Variants in SLC16A12 observed in about 807,000 individuals in gnomAD.
The protein encoded by SLC16A12 is solute carrier family 16 member 12, also known as monocarboxylate transporter 12.
SLC16A12 carries 17 observed loss-of-function variants against 42.4 expected under a neutral mutation model. The observed-to-expected ratio is 0.40, with a 90% CI of 0.27 to 0.60. The LOEUF (loss-of-function observed/expected upper bound fraction) is 0.60. SLC16A12 is among the 20% of genes least tolerant of loss of function. The probability of loss-of-function intolerance (pLI) is 0.42; values close to 1 mark genes in which losing one functional copy is unlikely to be tolerated. For missense variants in SLC16A12, 544 were observed against 623.0 expected (o/e 0.87, Z 1.35); for synonymous variants, 224 against 229.4 (o/e 0.98, Z 0.21).
chr10:89,489,815 C>T (rs941931469), intron 2 of SLC16A12, among the ~76,000 whole-genome samples: 3 of 151,970 alleles, frequency 2.0e-5, no homozygotes, highest in Admixed American at 1.3e-4. Context: ...ATAATAAGGT[C>T]TGTTATTTCA....
chr10:89,552,335 T>G (rs1416812766), intron 2 of SLC16A12, among the ~76,000 whole-genome samples: 2 of 152,240 alleles, frequency 1.3e-5, no homozygotes, highest in Middle Eastern at 3.2e-3. Flanking sequence ...TATAGTTATA[T>G]TAAAGCTTAA....
intron 2 of SLC16A12, among the ~76,000 whole-genome samples, chr10:89,513,723 A>T (rs1843200491): frequency 6.6e-6 from 1 of 152,212 alleles, no homozygotes; most frequent in Admixed American, 6.6e-5. Flanking sequence ...GACCAGTAGA[A>T]CAAGGGACTA....
upstream of SLC16A12, among the ~76,000 whole-genome samples, chr10:89,537,237 G>C (rs1044562078): frequency 6.6e-6 from 1 of 151,040 alleles, no homozygotes. Flanking sequence ...GAGTGCTGTG[G>C]TGCGATCATA....
In SLC16A12 at chr10:89,472,773, G is replaced by GT. The variant is rs569802171; in HGVS notation, c.-46-10150dup. ...CTCCCAGAGTGCTAGGATTACAGGT[G>GT]TGAGCCACCGTGCCTGGTCAGTATT... On this transcript the variant is annotated intron_variant, in intron 2 of 7. Transcript: ENST00000371790. Among the ~76,000 whole-genome samples the GT allele has an allele frequency of 7.6e-4, 115 of 151,698 alleles. 1 individual carries two copies. Among genetic ancestry groups the GT allele is most frequent in the African/African-American group, 2.7e-3 (112 of 41,402 alleles).
intron 2 of SLC16A12, among the ~76,000 whole-genome samples, chr10:89,485,831 A>T (rs890898325): frequency 2.0e-5 from 3 of 152,176 alleles, no homozygotes; most frequent in African/African-American, 4.8e-5. Flanking sequence ...TTAATTTAAG[A>T]GGTAACAGTT....
intron 2 of SLC16A12, among the ~76,000 whole-genome samples, chr10:89,518,341 T>A (rs565911223): frequency 1.4e-4 from 22 of 152,314 alleles, no homozygotes; most frequent in Non-Finnish European, 1.6e-4. Context: ...GAGCCCAGCA[T>A]GCCACAAGCC....
intron 3 of SLC16A12, among the ~76,000 whole-genome samples, chr10:89,444,694 G>T (rs775301386): frequency 5.9e-5 from 9 of 152,222 alleles, no homozygotes; most frequent in Non-Finnish European, 7.3e-5. Context: ...GATTGATGCA[G>T]AAGACAGGTG....
At chr10:89,448,308 C>T (rs76435744) in intron 3 of SLC16A12, among the ~76,000 whole-genome samples, 1 of 152,028 alleles carries the variant, frequency 6.6e-6, no homozygotes, top group Non-Finnish European at 1.5e-5. Flanking sequence ...CACACACACA[C>T]ACAAAAAGGG....
chr10:89,453,967 A>ATT (rs1444798178), intron 3 of SLC16A12, among the ~76,000 whole-genome samples: 2 of 143,454 alleles, frequency 1.4e-5, no homozygotes, highest in Admixed American at 1.4e-4. Flanking sequence ...AGTTCTACTT[A>ATT]TTCTCTCTCT....
chr10:89,521,269 G>C (rs1843350162), intron 2 of SLC16A12, among the ~76,000 whole-genome samples: 1 of 152,152 alleles, frequency 6.6e-6, no homozygotes, highest in African/African-American at 2.4e-5. Flanking sequence ...AGTCCAAGTC[G>C]AGATTTCTGT....
chr10:89,476,517 A>G (rs1842583469), intron 2 of SLC16A12, among the ~76,000 whole-genome samples: 2 of 152,158 alleles, frequency 1.3e-5, no homozygotes. Context: ...CCCACTCCCC[A>G]CTATCTCCAG....
At chr10:89,473,470 GA>G (rs1042570264) in intron 2 of SLC16A12, among the ~76,000 whole-genome samples, 7 of 152,116 alleles carry the variant, frequency 4.6e-5, no homozygotes, top group East Asian at 1.9e-4. Context: ...AAAACAGAGG[GA>G]AAAAAATCTT....
intron 2 of SLC16A12, among the ~76,000 whole-genome samples, chr10:89,546,853 A>G (rs1407918199): frequency 6.6e-6 from 1 of 152,252 alleles, no homozygotes; most frequent in Non-Finnish European, 1.5e-5. Context: ...CTATGCAGCC[A>G]TAAAAAGGAA....
At chr10:89,467,502 C>G (rs1589684287) in intron 2 of SLC16A12, among the ~76,000 whole-genome samples, 1 of 152,150 alleles carries the variant, frequency 6.6e-6, no homozygotes, top group East Asian at 1.9e-4. Context: ...ATGACATGTT[C>G]AACAAATAGA....
intron 7 of SLC16A12, 82 bp from the exon 8 acceptor site, chr10:89,433,408 G>T: frequency 7.0e-7 from 1 of 1,436,660 alleles, no homozygotes; most frequent in Non-Finnish European, 9.6e-7. Flanking sequence ...TGATTTGTAA[G>T]GATAATAATA....
intron 2 of SLC16A12, among the ~76,000 whole-genome samples, chr10:89,547,090 C>A (rs1477705243): frequency 6.6e-6 from 1 of 152,108 alleles, no homozygotes; most frequent in Non-Finnish European, 1.5e-5. Flanking sequence ...TGCAGCAAAC[C>A]ACCATGGCAC....
chr10:89,525,408 C>T (rs1843433840), intron 2 of SLC16A12, among the ~76,000 whole-genome samples: 1 of 152,110 alleles, frequency 6.6e-6, no homozygotes, highest in South Asian at 2.1e-4. Flanking sequence ...GTTAGATCTT[C>T]ATCTGTAATA....
At chr10:89,498,023 G>C (rs1164800565) in intron 2 of SLC16A12, among the ~76,000 whole-genome samples, 1 of 152,098 alleles carries the variant, frequency 6.6e-6, no homozygotes, top group Non-Finnish European at 1.5e-5. Context: ...AATAAAGATA[G>C]TAGGGGCCAG....
At chr10:89,539,897 C>CTTTCTTTCT (rs1554834025), upstream of SLC16A12, among the ~76,000 whole-genome samples, 1 of 146,178 alleles carries the variant, frequency 6.8e-6, no homozygotes, top group East Asian at 1.9e-4. Context: ...TTCTTTCTTT[C>CTTTCTTTCT]TTTCTTTCTT....
Sources: gnomAD v4.1 joint callset for allele counts (sites outside exome capture counted in the v4.1 genomes callset) on GRCh38, gnomAD v4.1.1 for gene constraint, MANE v1.5 for transcripts, NCBI Gene and HGNC (gene_info 2026-07-23, HGNC 2026-07-21) for gene names.